GTSE1: variants seen among roughly 807,000 people sequenced by gnomAD.
GTSE1 encodes G2 and S-phase expressed 1.
In GTSE1, 52 loss-of-function variants were observed where a neutral mutation model predicts 60.5. That is an observed-to-expected ratio of 0.86 (90% CI 0.69 to 1.08). GTSE1 has a LOEUF of 1.08. Ranked by LOEUF, GTSE1 falls within the 50% of genes least tolerant of loss-of-function variation. GTSE1 has a pLI of 0.00. For missense variants in GTSE1, 937 were observed against 961.8 expected (o/e 0.97, Z 0.34); for synonymous variants, 368 against 386.5 (o/e 0.95, Z 0.56).
chr22:46,328,133 C>T (rs1323647969), intron 9 of GTSE1, among the ~76,000 whole-genome samples: 1 of 152,198 alleles, frequency 6.6e-6, no homozygotes, highest in East Asian at 1.9e-4. Flanking sequence ...GTGGCAGGTA[C>T]TCGAGGACCT....
chr22:46,325,455 C>G (rs1190204889), intron 8 of GTSE1, among the ~76,000 whole-genome samples: 1 of 152,156 alleles, frequency 6.6e-6, no homozygotes, highest in African/African-American at 2.4e-5. Flanking sequence ...CTCGGCCTCC[C>G]AAAGTGCTGG....
In GTSE1 at chr22:46,320,781, A is replaced by C. The variant is rs80320840; in HGVS notation, c.1433-2409A>C. 3.8e-3 allele frequency among the ~76,000 whole-genome samples: 577 copies of C among 152,258 alleles called. 3 individuals are homozygous for C. Among genetic ancestry groups the C allele is most frequent in the Non-Finnish European group, 6.8e-3 (463 of 68,014 alleles). On this transcript the variant is annotated intron_variant, in intron 7 of 11. Transcript: ENST00000454366. This position sits in a 1 kb window ranked among gnomAD's most constrained non-coding sequence, Gnocchi z 7.1. The stretch of plus-strand genomic sequence containing the variant: ...TTGCCTCCCCGGTACTGGGAGCTGC[A>C]GTGGAGACGCGCCGTCCAGGTTTAG...
At position 46,316,410 on chromosome 22, in the gene GTSE1, T is replaced by C. The variant is rs761502129; in HGVS notation, c.1430T>C (p.Ile477Thr). 3.8e-5 allele frequency: 59 copies of C among 1,540,854 alleles called. No individual in the cohort carries two copies. The Middle Eastern group carries it at 8.6e-4, about 22-fold the overall frequency. Residue 477 changes from isoleucine (I) to threonine (T), a missense_variant and splice_region_variant, in exon 7 of 12, where the codon ATT (isoleucine) becomes ACT (threonine). By Grantham distance (89) the Ile-to-Thr change is moderately conservative (BLOSUM62 -1). Transcript: ENST00000454366. This position sits in a 1 kb window ranked among gnomAD's most constrained non-coding sequence, Gnocchi z 5.0. Reference sequence around the variant, plus strand: ...CAATTTAAAATTCCTAAGTTTTCTATTGGTGAGTAATAGATACATTTTAAT... The same window carrying C: ...CAATTTAAAATTCCTAAGTTTTCTACTGGTGAGTAATAGATACATTTTAAT... ...TNQFKIPKFS[I>T]GDSPDSSTPK... is the part of the protein sequence containing the mutation.
Position 46,308,585 on chromosome 22 carries a change from A to G in GTSE1, c.404A>G (p.Glu135Gly). Residue 135 changes from glutamate (E) to glycine (G), a missense_variant, in exon 4 of 12, where the codon GAA (glutamate) becomes GGA (glycine). By Grantham distance (98) the Glu-to-Gly change is moderately conservative. Coordinates refer to ENST00000454366, the MANE Select transcript of GTSE1 (RefSeq NM_016426.7). ...KPEDPRSQGV[E>G]RFIQESKLKI... ...GAAGACCCTCGGAGCCAGGGCGTGG[A>G]AAGATTCATACAGGAGTCAAAATTA... 1 of 1,614,206 alleles carries G rather than the reference A, an allele frequency of 6.2e-7. No individual in the cohort carries two copies. The highest frequency in any genetic ancestry group is 8.5e-7 in the Non-Finnish European group (1 of 1,180,030).
At chr22:46,303,792 A>G (rs1416459087) in intron 2 of GTSE1, among the ~76,000 whole-genome samples, 2 of 152,176 alleles carry the variant, frequency 1.3e-5, no homozygotes, top group Middle Eastern at 3.2e-3. Context: ...TCACTTGGCC[A>G]GTGAAATGGG....
At position 46,329,234 on chromosome 22, in the gene GTSE1, C is replaced by T. The variant is rs1236528966; in HGVS notation, c.1927-124C>T. ...ATACAGAGCCTCCTTCCACCAAGGC[C>T]CCGCCTGATTCCTTGGCTTTCCAAA... On this transcript the variant is annotated intron_variant, in intron 10 of 11. Transcript: ENST00000454366. The surrounding 1 kb of genome is among the most constrained non-coding windows in gnomAD (Gnocchi z 6.4). 1 of 822,718 alleles carries T rather than the reference C, an allele frequency of 1.2e-6. No homozygotes were observed. Among genetic ancestry groups the T allele is most frequent in the Non-Finnish European group, 2.1e-6 (1 of 480,588 alleles). The allele number at this position is 822,718 out of a possible 1,614,324, so 51.0% of individuals were successfully genotyped here.
Position 46,297,563 on chromosome 22 carries a change from C to A in GTSE1, c.79+84C>A, listed in dbSNP as rs530281548. On this transcript the variant is annotated intron_variant, in intron 2 of 11. Transcript: ENST00000454366. The surrounding 1 kb of genome is among the most constrained non-coding windows in gnomAD (Gnocchi z 4.9). ...TGATTTAATGTTTCCCTGAGAAATTCTTTCTCAAGTGCTCGACTTGTACTC... is the reference window on the plus strand; with the variant it reads ...TGATTTAATGTTTCCCTGAGAAATTATTTCTCAAGTGCTCGACTTGTACTC... 833 of 955,238 alleles carry A rather than the reference C, an allele frequency of 8.7e-4. 7 individuals are homozygous for A. In the South Asian group the frequency reaches 0.011, roughly 13 times the overall value. The allele number at this position is 955,238 out of a possible 1,614,324, so 59.2% of individuals were successfully genotyped here. A position where few individuals can be genotyped will look rare whatever the true frequency, so the allele number is the denominator to read the frequency against.
In GTSE1 at chr22:46,329,651, G is replaced by A. The variant is rs1463345016; in HGVS notation, c.2136+84G>A. 1 of 1,080,302 alleles carries A rather than the reference G, an allele frequency of 9.3e-7. No individual in the cohort carries two copies. The highest frequency in any genetic ancestry group is 1.4e-6 in the Non-Finnish European group (1 of 705,784). 66.9% of individuals were successfully genotyped at this position (1,080,302 alleles called of 1,614,324 possible). On this transcript the variant is annotated intron_variant, in intron 11 of 11. Coordinates refer to ENST00000454366, the MANE Select transcript of GTSE1 (RefSeq NM_016426.7). The surrounding 1 kb of genome is among the most constrained non-coding windows in gnomAD (Gnocchi z 6.4). ...TGTTCATCCTCCCAGGGCCATCGTG[G>A]GACCCTTGAGAGTGGCTGTTGAGTC... is the stretch of plus-strand genomic sequence containing the variant.
rs2077770499 is a variant in GTSE1 at position 46,314,980 on chromosome 22, C to T, written c.1051+967C>T. ...CTTTATAGACTGAGGTGATGACCTC[C>T]TGAGATCAAGCAATCCTCCCACCTC... On this transcript the variant is annotated intron_variant, in intron 6 of 11. Coordinates refer to ENST00000454366, the MANE Select transcript of GTSE1 (RefSeq NM_016426.7). This position sits in a 1 kb window ranked among gnomAD's most constrained non-coding sequence, Gnocchi z 7.1. Among the ~76,000 whole-genome samples the T allele has an allele frequency of 6.6e-6, 1 of 152,082 alleles. No individual in the cohort carries two copies. The highest frequency in any genetic ancestry group is 1.5e-5 in the Non-Finnish European group (1 of 68,008).
rs544915549 is a variant in GTSE1 at position 46,310,630 on chromosome 22, G to C, written c.763-1511G>C. Among the ~76,000 whole-genome samples the C allele has an allele frequency of 6.6e-6, 1 of 152,180 alleles. No homozygotes were observed. Among genetic ancestry groups the C allele is most frequent in the Admixed American group, 6.5e-5 (1 of 15,276 alleles). On this transcript the variant is annotated intron_variant, in intron 4 of 11. Coordinates refer to ENST00000454366, the MANE Select transcript of GTSE1 (RefSeq NM_016426.7). The surrounding 1 kb of genome is among the most constrained non-coding windows in gnomAD (Gnocchi z 4.4). ...CTATCCAAACAATGGTTTATTTTTGGCAATAAAAAGAAACACTACTGGGCG... is the reference window on the plus strand; with the variant it reads ...CTATCCAAACAATGGTTTATTTTTGCCAATAAAAAGAAACACTACTGGGCG...
At chr22:46,301,487 CT>C (rs1201828353) in intron 2 of GTSE1, among the ~76,000 whole-genome samples, 4,397 of 123,826 alleles carry the variant, frequency 0.036, 203 homozygotes, top group African/African-American at 0.1. Flanking sequence ...ATTTTTAATA[CT>C]TTTTTTTTTT....
At position 46,304,904 on chromosome 22, in the gene GTSE1, A is replaced by G. The variant is rs1031194146; in HGVS notation, c.80-3246A>G. On this transcript the variant is annotated intron_variant, in intron 2 of 11. Coordinates refer to ENST00000454366, the MANE Select transcript of GTSE1 (RefSeq NM_016426.7). The surrounding 1 kb of genome is among the most constrained non-coding windows in gnomAD (Gnocchi z 4.4). The stretch of plus-strand genomic sequence containing the variant: ...CGAGACAGGAGGATCCCTCGAGTCC[A>G]GGAGTTCGAGGCTGCAGTGAGCTAT... Among the ~76,000 whole-genome samples, 4 of 152,164 alleles carry G rather than the reference A, an allele frequency of 2.6e-5. No individual in the cohort carries two copies. The highest frequency in any genetic ancestry group is 9.7e-5 in the African/African-American group (4 of 41,430).
chr22:46,304,898 G>C lies in GTSE1; in HGVS notation c.80-3252G>C, dbSNP rs537727332. Among the ~76,000 whole-genome samples, 1 of 152,186 alleles carries C rather than the reference G, an allele frequency of 6.6e-6. No individual in the cohort carries two copies. Among genetic ancestry groups the C allele is most frequent in the African/African-American group, 2.4e-5 (1 of 41,440 alleles). Reference sequence around the variant, plus strand: ...GGAAGCCGAGACAGGAGGATCCCTCGAGTCCAGGAGTTCGAGGCTGCAGTG... The same window carrying C: ...GGAAGCCGAGACAGGAGGATCCCTCCAGTCCAGGAGTTCGAGGCTGCAGTG... On this transcript the variant is annotated intron_variant, in intron 2 of 11. Transcript: ENST00000454366. This position sits in a 1 kb window ranked among gnomAD's most constrained non-coding sequence, Gnocchi z 4.4.
Position 46,314,357 on chromosome 22 carries a change from T to C in GTSE1, c.1051+344T>C, listed in dbSNP as rs2077766559. Among the ~76,000 whole-genome samples the C allele has an allele frequency of 1.3e-5, 2 of 152,218 alleles. No individual in the cohort carries two copies. The highest frequency in any genetic ancestry group is 1.3e-4 in the Admixed American group (2 of 15,272). ...TAAAATAGGACTATTCCAGATAATG[T>C]AGGGCATATGGCCCCATAACTCCTG... is the stretch of plus-strand genomic sequence containing the variant. On this transcript the variant is annotated intron_variant, in intron 6 of 11. Transcript: ENST00000454366. This position sits in a 1 kb window ranked among gnomAD's most constrained non-coding sequence, Gnocchi z 7.1.
rs184307819 is a variant in GTSE1, at chr22:46,323,881, A to G, written c.1505+619A>G. Among the ~76,000 whole-genome samples the G allele has an allele frequency of 1.9e-3, 291 of 151,802 alleles. 1 individual carries two copies. The highest frequency in any genetic ancestry group is 3.4e-3 in the Middle Eastern group (1 of 294). ...TATTTTTGTATTTTTTTTAGTAGAG[A>G]TGGGGTTTCACCGTGTTAGCCAGGA... On this transcript the variant is annotated intron_variant, in intron 8 of 11. Coordinates refer to ENST00000454366, the MANE Select transcript of GTSE1 (RefSeq NM_016426.7).
In GTSE1 at chr22:46,319,689, G is replaced by T. The variant is rs2077801183; in HGVS notation, c.1432+3277G>T. Among the ~76,000 whole-genome samples the T allele has an allele frequency of 6.6e-6, 1 of 152,166 alleles. No individual in the cohort carries two copies. Among genetic ancestry groups the T allele is most frequent in the Non-Finnish European group, 1.5e-5 (1 of 68,024 alleles). On this transcript the variant is annotated intron_variant, in intron 7 of 11. Transcript: ENST00000454366. The surrounding 1 kb of genome is among the most constrained non-coding windows in gnomAD (Gnocchi z 5.0). The stretch of plus-strand genomic sequence containing the variant: ...TCAACAGCAGAGAGCTGAGTTTGTA[G>T]AGATGGGAGCTGTGAGCTGGGCACG...
rs542800521 is a variant in GTSE1, at chr22:46,309,537, C to A, written c.762+594C>A. ...GGTGGGAGCCCCGGGGCCCACCCTG[C>A]AGCCCGTTCCCAGCTCTGCCCCCTC... On this transcript the variant is annotated intron_variant, in intron 4 of 11. Transcript: ENST00000454366. This position sits in a 1 kb window ranked among gnomAD's most constrained non-coding sequence, Gnocchi z 6.2. Among the ~76,000 whole-genome samples, 1 of 152,258 alleles carries A rather than the reference C, an allele frequency of 6.6e-6. No homozygotes were observed. The highest frequency in any genetic ancestry group is 2.4e-5 in the African/African-American group (1 of 41,562).
At chr22:46,326,319 C>A in intron 8 of GTSE1, 117 bp from the exon 9 acceptor site, 2 of 809,502 alleles carry the variant, frequency 2.5e-6, no homozygotes, top group Non-Finnish European at 3.7e-6. Context: ...GGCTCCCTGG[C>A]TTGGCTCTTC....
rs538178807 is a variant in GTSE1 at position 46,308,952 on chromosome 22, C to T, written c.762+9C>T. The T allele has an allele frequency of 6.3e-7, 1 of 1,598,716 alleles. No homozygotes were observed. Among genetic ancestry groups the T allele is most frequent in the East Asian group, 2.2e-5 (1 of 44,710 alleles). Reference sequence around the variant, plus strand: ...CTGGGGCTGCGGAGAAGGTAAATGCCACAGCAGAGCGCCTGCCTGGGGAGC... The same window carrying T: ...CTGGGGCTGCGGAGAAGGTAAATGCTACAGCAGAGCGCCTGCCTGGGGAGC... On this transcript the variant is annotated intron_variant, in intron 4 of 11. Transcript: ENST00000454366.
Sources: allele counts gnomAD v4.1 joint callset (sites outside exome capture counted in the v4.1 genomes callset), GRCh38; gene constraint gnomAD v4.1.1; non-coding constraint Gnocchi (gnomAD v3.1); transcripts MANE v1.5; gene names NCBI Gene and HGNC (gene_info 2026-07-23, HGNC 2026-07-21).